Variants in GABRG1 observed in about 807,000 individuals in gnomAD.
The protein encoded by GABRG1 is gamma-aminobutyric acid receptor subunit gamma-1.
Under a neutral mutation model 49.8 loss-of-function variants are expected in GABRG1, and 49 were observed. The ratio of observed to expected loss-of-function variants is 0.98; its 90% CI spans 0.78 to 1.25. GABRG1 has a LOEUF of 1.25. Ranked by LOEUF, GABRG1 falls within the 50% of genes most tolerant of loss-of-function variation. The pLI is 0.00. For synonymous variants in GABRG1, 232 were observed against 185.1 expected (o/e 1.25, Z -2.06); for missense variants, 552 against 552.3 (o/e 1.00, Z 0.01).
chr4:46,056,151 T>TAAAAAAA lies in GABRG1; in HGVS notation c.916+2059_916+2065dup, dbSNP rs1182116080. Among the ~76,000 whole-genome samples the TAAAAAAA allele has an allele frequency of 4.7e-3, 43 of 9,142 alleles. 2 individuals carry two copies. The highest frequency in any genetic ancestry group is 0.012 in the African/African-American group (12 of 1,024). The allele number at this position is 9,142 out of a possible 152,430, so 6.0% of individuals were successfully genotyped here. A position where few individuals can be genotyped will look rare whatever the true frequency, so the allele number is the denominator to read the frequency against. On this transcript the variant is annotated intron_variant, in intron 7 of 8. Transcript: ENST00000295452. The stretch of plus-strand genomic sequence containing the variant: ...AAAAAAAAAAAATAAATAAATAAAT[T>TAAAAAAA]AAAAAAAAAAAAAAAAAAAAAAAAA...
chr4:46,092,690 T>C (rs1720031510), intron 2 of GABRG1, among the ~76,000 whole-genome samples: 1 of 151,788 alleles, frequency 6.6e-6, no homozygotes, highest in South Asian at 2.1e-4. Flanking sequence ...ATAGGAACAA[T>C]ATACATATTT....
At chr4:46,063,329 C>A (rs1307693350) in intron 5 of GABRG1, among the ~76,000 whole-genome samples, 1 of 151,918 alleles carries the variant, frequency 6.6e-6, no homozygotes, top group Non-Finnish European at 1.5e-5. Flanking sequence ...AGATATAGAT[C>A]AACGGAACAG....
At chr4:46,081,776 A>G (rs533826751) in intron 3 of GABRG1, among the ~76,000 whole-genome samples, 5 of 151,982 alleles carry the variant, frequency 3.3e-5, no homozygotes, top group Admixed American at 2.6e-4. Flanking sequence ...TTTAAAGTCA[A>G]CATGCGGCTT....
chr4:46,118,076 A>G (rs548831559), intron 1 of GABRG1, among the ~76,000 whole-genome samples: 2 of 120,286 alleles, frequency 1.7e-5, no homozygotes, highest in Non-Finnish European at 3.2e-5. Context: ...ATGTGTGTGT[A>G]TATATATACA....
intron 5 of GABRG1, among the ~76,000 whole-genome samples, chr4:46,063,763 A>G (rs1049014571): frequency 6.6e-6 from 1 of 152,050 alleles, no homozygotes; most frequent in Non-Finnish European, 1.5e-5. Context: ...ATGGGAGAAA[A>G]TTTTTGCAAC....
intron 3 of GABRG1, among the ~76,000 whole-genome samples, chr4:46,068,491 CTT>C (rs1288275794): frequency 6.6e-6 from 1 of 152,038 alleles, no homozygotes; most frequent in Non-Finnish European, 1.5e-5. Context: ...TGTTGGAAGA[CTT>C]ATGATTTCCA....
intron 3 of GABRG1, among the ~76,000 whole-genome samples, chr4:46,080,248 G>A (rs1434300585): frequency 6.6e-6 from 1 of 151,846 alleles, no homozygotes; most frequent in Middle Eastern, 3.4e-3. Context: ...AATTATATGA[G>A]TACTTAAGGG....
At chr4:46,117,596 C>CTA (rs1720942499) in intron 1 of GABRG1, among the ~76,000 whole-genome samples, 1 of 116,904 alleles carries the variant, frequency 8.6e-6, no homozygotes, top group Non-Finnish European at 1.8e-5. Flanking sequence ...CTCTTTGTCT[C>CTA]TCTCTCTCTC....
chr4:46,052,967 T>A (rs1016200724), intron 7 of GABRG1, among the ~76,000 whole-genome samples: 1 of 151,872 alleles, frequency 6.6e-6, no homozygotes, highest in African/African-American at 2.4e-5. Flanking sequence ...GTGATGAATT[T>A]GGAATTATGA....
chr4:46,079,780 G>A (rs1178765116), intron 3 of GABRG1, among the ~76,000 whole-genome samples: 1 of 151,714 alleles, frequency 6.6e-6, no homozygotes, highest in African/African-American at 2.4e-5. Flanking sequence ...GCCCTTGAGT[G>A]TTGTACTTGC....
At chr4:46,109,989 T>C (rs920645734) in intron 1 of GABRG1, among the ~76,000 whole-genome samples, 1 of 151,076 alleles carries the variant, frequency 6.6e-6, no homozygotes, top group African/African-American at 2.4e-5. Context: ...GTATATTCTC[T>C]GGTTGATGGG....
At chr4:46,041,371 C>CA in intron 8 of GABRG1, 117 bp from the exon 9 acceptor site, 1 of 856,604 alleles carries the variant, frequency 1.2e-6, no homozygotes, top group Admixed American at 3.2e-5. Context: ...ATCTTGATTT[C>CA]AAAAAATCAA....
chr4:46,116,828 A>C (rs573335644), intron 1 of GABRG1, among the ~76,000 whole-genome samples: 83 of 150,990 alleles, frequency 5.5e-4, no homozygotes, highest in African/African-American at 1.9e-3. Context: ...ATTAGTTTAT[A>C]AAATACAGGC....
rs1441434347 is a variant in GABRG1 at position 46,036,629 on chromosome 4, C to A, written c.*4359G>T. On this transcript the variant is annotated 3_prime_UTR_variant, in exon 9 of 9. Coordinates refer to ENST00000295452, the MANE Select transcript of GABRG1 (RefSeq NM_173536.4). ...CTGTTAGTCAAAGCTTAATGTCTGC[C>A]ACTTTTCTTTCTATTTGGGCCTATC... 1 of 151,882 alleles carries A rather than the reference C, an allele frequency of 6.6e-6. No individual in the cohort carries two copies. Among genetic ancestry groups the A allele is most frequent in the African/African-American group, 2.4e-5 (1 of 41,414 alleles). The allele number at this position is 151,882 out of a possible 1,614,324, so 9.4% of individuals were successfully genotyped here.
Position 46,040,865 on chromosome 4 carries a change from T to A in GABRG1, c.*123A>T, listed in dbSNP as rs540285761. On this transcript the variant is annotated 3_prime_UTR_variant, in exon 9 of 9. Coordinates refer to ENST00000295452, the MANE Select transcript of GABRG1 (RefSeq NM_173536.4). ...TCTGAAGGCCTTAAAATAGTTACAA[T>A]ACTATTCACATTTTAACCATTGGTC... 3 of 1,012,786 alleles carry A rather than the reference T, an allele frequency of 3.0e-6. No homozygotes were observed. Among genetic ancestry groups the A allele is most frequent in the South Asian group, 1.6e-5 (1 of 62,580 alleles). 62.7% of individuals were successfully genotyped at this position (1,012,786 alleles called of 1,614,324 possible).
rs1342585574 is a variant in GABRG1 at position 46,041,174 on chromosome 4, A to T, written c.1212T>A (p.Tyr404Ter). Reference protein sequence around the residue: ...ISVPQEDDYGYQCLEGKDCAS... With the variant: ...ISVPQEDDYG ...CACAATCTTTGCCCTCCAAACACTG[A>T]TACCCATAATCATCTTCTTGCGGCA... is the stretch of plus-strand genomic sequence containing the variant. The change falls in exon 9 of 9, where the codon TAT (tyrosine) becomes TAA (stop). Residue 404 changes from tyrosine to a stop codon, truncating the protein, a stop_gained. Transcript: ENST00000295452. LOFTEE classifies it high-confidence loss of function. The T allele has an allele frequency of 1.2e-6, 2 of 1,613,094 alleles. No homozygotes were observed. The highest frequency in any genetic ancestry group is 2.2e-5 in the South Asian group (2 of 91,070).
intron 1 of GABRG1, among the ~76,000 whole-genome samples, chr4:46,122,514 G>A (rs1486314433): frequency 1.3e-5 from 2 of 151,514 alleles, no homozygotes; most frequent in African/African-American, 4.8e-5. Context: ...AAACATTTAA[G>A]AATCTAAGGG....
At position 46,123,815 on chromosome 4, in the gene GABRG1, T is replaced by A; in HGVS notation, c.99A>T (p.Gly33=). ...LVFLLLTLHL[G]NCVDKADDED... ...AAACCCCTGAATTTACTCACCAGTT[T>A]CCCAAATGCAGGGTCAGTAACAAGA... is the stretch of plus-strand genomic sequence containing the variant. The change falls in exon 1 of 9, where the codon GGA becomes GGT. Residue 33 remains glycine, a synonymous_variant. Transcript: ENST00000295452. The A allele has an allele frequency of 6.2e-7, 1 of 1,611,392 alleles. No individual in the cohort carries two copies. Among genetic ancestry groups the A allele is most frequent in the Non-Finnish European group, 8.5e-7 (1 of 1,177,680 alleles).
intron 1 of GABRG1, among the ~76,000 whole-genome samples, chr4:46,116,195 C>T (rs551949051): frequency 4.6e-5 from 7 of 150,756 alleles, no homozygotes; most frequent in African/African-American, 1.7e-4. Flanking sequence ...TGGTAAATGC[C>T]CAGAAATTGT....
Sources: allele counts gnomAD v4.1 joint callset (sites outside exome capture counted in the v4.1 genomes callset), GRCh38; gene constraint gnomAD v4.1.1; transcripts MANE v1.5; gene names NCBI Gene and HGNC (gene_info 2026-07-23, HGNC 2026-07-21).